The following RABL3 variants were observed in gnomAD, a reference collection of about 807,000 sequenced individuals.
RABL3 encodes RAB, member of RAS oncogene family like 3, also known as rab-like protein 3.
A neutral mutation model predicts 31.8 loss-of-function variants in RABL3; 31 were observed. The observed-to-expected ratio is 0.97, with a 90% CI of 0.73 to 1.31. The LOEUF (loss-of-function observed/expected upper bound fraction) is 1.31, where lower values mean the gene tolerates loss of function less well. Ranked by LOEUF, RABL3 falls within the 40% of genes most tolerant of loss-of-function variation. The pLI is 0.00. For synonymous variants in RABL3, 97 were observed against 99.9 expected (o/e 0.97, Z 0.18); for missense variants, 263 against 279.6 (o/e 0.94, Z 0.42).
intron 2 of RABL3, among the ~76,000 whole-genome samples, chr3:120,717,526 T>C (rs534492701): frequency 3.3e-5 from 5 of 152,262 alleles, no homozygotes; most frequent in Middle Eastern, 6.8e-3. Flanking sequence ...TGGAGTGCAG[T>C]GGCCTGATCT....
intron 2 of RABL3, chr3:120,722,356 A>C (rs954285355): frequency 3.0e-4 from 45 of 152,214 alleles, no homozygotes; most frequent in African/African-American, 1.1e-3. Flanking sequence ...AACTGGTTTC[A>C]AGCCAACCTC....
chr3:120,736,588 GTTATTTTGCTCA>G, intron 1 of RABL3, among the ~76,000 whole-genome samples: 1 of 152,258 alleles, frequency 6.6e-6, no homozygotes, highest in African/African-American at 2.4e-5. Flanking sequence ...ATGTTAGCTG[GTTATTTTGCTCA>G]TTAGTTGATG....
chr3:120,740,003 T>C (rs78025686), intron 1 of RABL3, among the ~76,000 whole-genome samples: 2,585 of 152,302 alleles, frequency 0.017, 82 homozygotes, highest in African/African-American at 0.06. Context: ...TTTAAGAATT[T>C]TGGGAGATTC....
chr3:120,712,898 T>G (rs2107584382), intron 2 of RABL3, among the ~76,000 whole-genome samples: 2 of 152,218 alleles, frequency 1.3e-5, no homozygotes, highest in East Asian at 3.9e-4. Context: ...AATAGGAAGT[T>G]TGTTAAAAAA....
intron 1 of RABL3, among the ~76,000 whole-genome samples, chr3:120,731,863 G>A (rs1006218667): frequency 6.6e-6 from 1 of 152,066 alleles, no homozygotes; most frequent in Non-Finnish European, 1.5e-5. Flanking sequence ...ACCAGCCTGG[G>A]CAACATAGCA....
At position 120,686,794 on chromosome 3, in the gene RABL3, T is replaced by C. The variant is rs1365687832; in HGVS notation, c.*3029A>G. The C allele has an allele frequency of 6.6e-6, 1 of 152,216 alleles. No homozygotes were observed. Among genetic ancestry groups the C allele is most frequent in the Non-Finnish European group, 1.5e-5 (1 of 68,036 alleles). 9.4% of individuals were successfully genotyped at this position (152,216 alleles called of 1,614,324 possible). A position where few individuals can be genotyped will look rare whatever the true frequency, so the allele number is the denominator to read the frequency against. On this transcript the variant is annotated 3_prime_UTR_variant, in exon 8 of 8. Coordinates refer to ENST00000273375, the MANE Select transcript of RABL3 (RefSeq NM_173825.5). The stretch of plus-strand genomic sequence containing the variant: ...TTGTGTATTTTTATGTACAGTCTTA[T>C]GCAGAAGTATAATCAGAGGACAAAA...
intron 1 of RABL3, among the ~76,000 whole-genome samples, chr3:120,733,005 T>C (rs938845459): frequency 6.6e-6 from 1 of 152,182 alleles, no homozygotes; most frequent in Non-Finnish European, 1.5e-5. Flanking sequence ...CTATTGTGAA[T>C]AGTGCTGCAG....
intron 4 of RABL3, among the ~76,000 whole-genome samples, chr3:120,702,715 G>A (rs1298131039): frequency 1.3e-5 from 2 of 151,926 alleles, no homozygotes; most frequent in Non-Finnish European, 2.9e-5. Flanking sequence ...CCGCCACAAC[G>A]CCTGGCTAAT....
In RABL3 at chr3:120,689,627, G is replaced by A. The variant is rs150043762; in HGVS notation, c.*196C>T. ...CTATACACAGGGACAGAAAGGTAAG[G>A]AACACAGAGAACAGGGACAAAGTTT... On this transcript the variant is annotated 3_prime_UTR_variant, in exon 8 of 8. Coordinates refer to ENST00000273375, the MANE Select transcript of RABL3 (RefSeq NM_173825.5). The A allele has an allele frequency of 4.1e-3, 2,089 of 513,594 alleles. 8 individuals carry two copies. The highest frequency in any genetic ancestry group is 6.4e-3 in the Non-Finnish European group (1,811 of 285,174). The allele number at this position is 513,594 out of a possible 1,614,324, so 31.8% of individuals were successfully genotyped here.
intron 4 of RABL3, among the ~76,000 whole-genome samples, chr3:120,699,180 G>C (rs1382724767): frequency 1.3e-5 from 2 of 152,054 alleles, no homozygotes; most frequent in East Asian, 3.8e-4. Context: ...ACTATAGCCT[G>C]GGAAAGGTGG....
At chr3:120,727,752 G>A (rs188744368) in intron 2 of RABL3, among the ~76,000 whole-genome samples, 1 of 152,212 alleles carries the variant, frequency 6.6e-6, no homozygotes, top group Non-Finnish European at 1.5e-5. Flanking sequence ...ACAAGACCAA[G>A]TTAGAGTTAT....
chr3:120,735,139 C>T (rs529625911), intron 1 of RABL3, among the ~76,000 whole-genome samples: 1 of 152,248 alleles, frequency 6.6e-6, no homozygotes, highest in East Asian at 1.9e-4. Context: ...CTCCTTGTAC[C>T]TCTGGTAGAA....
chr3:120,694,044 G>A, intron 6 of RABL3, 109 bp downstream of exon 6: 3 of 642,378 alleles, frequency 4.7e-6, no homozygotes, highest in Non-Finnish European at 5.4e-6. Flanking sequence ...ATTATTCCAG[G>A]CTGTGAAGTT....
intron 1 of RABL3, 75 bp from the exon 2 acceptor site, chr3:120,730,862 C>A: frequency 1.1e-6 from 1 of 904,426 alleles, no homozygotes; most frequent in Non-Finnish European, 1.8e-6. Context: ...AAGACTAATA[C>A]TACACAGGAA....
At chr3:120,708,186 A>C (rs562023080) in intron 3 of RABL3, among the ~76,000 whole-genome samples, 1 of 151,968 alleles carries the variant, frequency 6.6e-6, no homozygotes, top group Non-Finnish European at 1.5e-5. Flanking sequence ...GTGAAAGAAC[A>C]CAGAAATAGG....
At chr3:120,725,651 C>T (rs967851103) in intron 2 of RABL3, among the ~76,000 whole-genome samples, 1 of 152,152 alleles carries the variant, frequency 6.6e-6, no homozygotes, top group Non-Finnish European at 1.5e-5. Flanking sequence ...TTTGTAGGGA[C>T]ATGGATGAAG....
intron 5 of RABL3, among the ~76,000 whole-genome samples, chr3:120,697,585 T>C (rs1477345054): frequency 5.3e-5 from 8 of 152,168 alleles, no homozygotes; most frequent in Non-Finnish European, 1.0e-4. Flanking sequence ...CAGGCTTACA[T>C]GACAACCATT....
At chr3:120,722,704 C>T (rs1708761751) in intron 2 of RABL3, 2 of 152,122 alleles carry the variant, frequency 1.3e-5, no homozygotes, top group African/African-American at 4.8e-5. Flanking sequence ...CTACTGGGTA[C>T]ATAACGAAAT....
In RABL3 at chr3:120,706,086, A is replaced by G; in HGVS notation, c.297T>C (p.Asn99=). Reference sequence around the variant, plus strand: ...GACGCAAGTTTTGGGAGGACTTCTTATTTGTTAAGTCGTGTACGAAAATAA... The same window carrying G: ...GACGCAAGTTTTGGGAGGACTTCTTGTTTGTTAAGTCGTGTACGAAAATAA... ...NGIIFVHDLT[N]KKSSQNLRRW... The change falls in exon 4 of 8, where the codon AAT becomes AAC. Residue 99 remains asparagine (N), a synonymous_variant. Transcript: ENST00000273375. 2 of 1,612,964 alleles carry G rather than the reference A, an allele frequency of 1.2e-6. No homozygotes were observed. The highest frequency in any genetic ancestry group is 2.2e-5 in the East Asian group (1 of 44,860).
Sources: gnomAD v4.1 joint callset for allele counts (sites outside exome capture counted in the v4.1 genomes callset) on GRCh38, gnomAD v4.1.1 for gene constraint, MANE v1.5 for transcripts, NCBI Gene and HGNC (gene_info 2026-07-23, HGNC 2026-07-21) for gene names.